The following TEAD1 variants were observed in gnomAD, a reference collection of about 807,000 sequenced individuals.
TEAD1 encodes the protein transcriptional enhancer factor TEF-1.
In TEAD1, 9 loss-of-function variants were observed where a neutral mutation model predicts 54.9. The ratio of observed to expected loss-of-function variants is 0.16; its 90% CI spans 0.10 to 0.29. The LOEUF (loss-of-function observed/expected upper bound fraction) is 0.29, where lower values mean the gene tolerates loss of function less well. Among genes scored for constraint, TEAD1 ranks in the 10% least tolerant of loss-of-function variants. TEAD1 has a pLI of 1.00. For synonymous variants in TEAD1, 200 were observed against 187.8 expected (o/e 1.07, Z -0.53); for missense variants, 387 against 535.9 (o/e 0.72, Z 2.74).
intron 6 of TEAD1, 76 bp downstream of exon 6, chr11:12,879,918 C>T (rs1490881868): frequency 3.1e-6 from 5 of 1,600,874 alleles, no homozygotes; most frequent in Non-Finnish European, 4.3e-6. Flanking sequence ...AGCCTCCCAC[C>T]TCCATTTCTT....
At chr11:12,923,125 A>G (rs1164953033) in intron 10 of TEAD1, among the ~76,000 whole-genome samples, 1 of 151,942 alleles carries the variant, frequency 6.6e-6, no homozygotes, top group African/African-American at 2.4e-5. Flanking sequence ...TCTCCGAGCC[A>G]TGGTCAGAGG....
At chr11:12,732,234 C>T (rs2133880928) in intron 2 of TEAD1, among the ~76,000 whole-genome samples, 1 of 152,314 alleles carries the variant, frequency 6.6e-6, no homozygotes, top group African/African-American at 2.4e-5. Context: ...CTCCCAGTCA[C>T]AGGCAAATTC....
intron 10 of TEAD1, among the ~76,000 whole-genome samples, chr11:12,920,146 AT>A: frequency 6.6e-6 from 1 of 152,274 alleles, no homozygotes; most frequent in Non-Finnish European, 1.5e-5. Flanking sequence ...GTTGAAAGTC[AT>A]TTTGTCAAAT....
intron 10 of TEAD1, among the ~76,000 whole-genome samples, chr11:12,920,348 T>A (rs1948781507): frequency 6.6e-6 from 1 of 152,172 alleles, no homozygotes; most frequent in African/African-American, 2.4e-5. Context: ...CATTTTAAAA[T>A]TATATATATT....
At chr11:12,908,127 T>C (rs1306164621) in intron 10 of TEAD1, among the ~76,000 whole-genome samples, 1 of 152,124 alleles carries the variant, frequency 6.6e-6, no homozygotes, top group African/African-American at 2.4e-5. Context: ...ATTCTTAGAG[T>C]AGGAACATGA....
chr11:12,853,824 CCTGAGAAG>C (rs1392739386), intron 3 of TEAD1, among the ~76,000 whole-genome samples: 1 of 152,150 alleles, frequency 6.6e-6, no homozygotes, highest in African/African-American at 2.4e-5. Context: ...GATACAAACT[CCTGAGAAG>C]GTGGGACTTG....
intron 6 of TEAD1, 116 bp downstream of exon 6, chr11:12,879,958 A>G: frequency 6.8e-7 from 1 of 1,480,116 alleles, no homozygotes; most frequent in Non-Finnish European, 9.3e-7. Flanking sequence ...TGAGAGGGCA[A>G]AGGCTACCTT....
chr11:12,694,804 C>G (rs1190867975), intron 2 of TEAD1, among the ~76,000 whole-genome samples: 1 of 152,150 alleles, frequency 6.6e-6, no homozygotes, highest in Non-Finnish European at 1.5e-5. Context: ...AAATGAGACC[C>G]TTCTCCCCCC....
chr11:12,793,332 A>G (rs1447633206), intron 3 of TEAD1, among the ~76,000 whole-genome samples: 1 of 152,138 alleles, frequency 6.6e-6, no homozygotes, highest in Non-Finnish European at 1.5e-5. Context: ...CCAAATACCA[A>G]TGTCTGCTCT....
At chr11:12,784,547 T>C (rs1301716145) in intron 3 of TEAD1, among the ~76,000 whole-genome samples, 1 of 152,230 alleles carries the variant, frequency 6.6e-6, no homozygotes, top group African/African-American at 2.4e-5. Context: ...GCATCTTCCA[T>C]GTCATATGAA....
chr11:12,939,666 G>A lies in TEAD1; in HGVS notation c.*2444G>A, dbSNP rs1949141932. On this transcript the variant is annotated 3_prime_UTR_variant, in exon 13 of 13. Coordinates refer to ENST00000527636, the MANE Select transcript of TEAD1 (RefSeq NM_021961.6). ...TCCTCTTGCTCAGAATGCCTTTGCA[G>A]TTGAGTTTTCTGGGTTTCTATGATT... 1 of 152,272 alleles carries A rather than the reference G, an allele frequency of 6.6e-6. No individual in the cohort carries two copies. The highest frequency in any genetic ancestry group is 1.5e-5 in the Non-Finnish European group (1 of 68,080). The allele number at this position is 152,272 out of a possible 1,614,324, so 9.4% of individuals were successfully genotyped here. A position where few individuals can be genotyped will look rare whatever the true frequency, so the allele number is the denominator to read the frequency against.
chr11:12,902,352 G>C (rs1256569203), intron 10 of TEAD1, among the ~76,000 whole-genome samples: 1 of 152,264 alleles, frequency 6.6e-6, no homozygotes, highest in Non-Finnish European at 1.5e-5. Flanking sequence ...CAAGGGACAA[G>C]CAGCCTCTTT....
chr11:12,911,613 C>T (rs914939863), intron 10 of TEAD1, among the ~76,000 whole-genome samples: 2 of 150,126 alleles, frequency 1.3e-5, no homozygotes, highest in Non-Finnish European at 2.9e-5. Flanking sequence ...AGAAGTATCA[C>T]GATATTCAGA....
At chr11:12,928,250 A>G (rs1313658260) in intron 11 of TEAD1, among the ~76,000 whole-genome samples, 1 of 150,834 alleles carries the variant, frequency 6.6e-6, no homozygotes, top group East Asian at 1.9e-4. Flanking sequence ...ATTACATTTC[A>G]TAAGTAATAT....
At chr11:12,804,840 G>A (rs1946135222) in intron 3 of TEAD1, among the ~76,000 whole-genome samples, 1 of 152,064 alleles carries the variant, frequency 6.6e-6, no homozygotes, top group Admixed American at 6.6e-5. Flanking sequence ...TTCTTCAGAG[G>A]GCAGCACCCC....
intron 2 of TEAD1, among the ~76,000 whole-genome samples, chr11:12,683,212 T>C (rs572452500): frequency 2.0e-5 from 3 of 152,358 alleles, no homozygotes; most frequent in African/African-American, 4.8e-5. Flanking sequence ...TATTTCTAAG[T>C]GATAAGCATT....
chr11:12,785,028 A>G (rs1432204927), intron 3 of TEAD1, among the ~76,000 whole-genome samples: 1 of 152,210 alleles, frequency 6.6e-6, no homozygotes, highest in Non-Finnish European at 1.5e-5. Context: ...ATGACCTGCC[A>G]GATGCAGCAA....
intron 3 of TEAD1, among the ~76,000 whole-genome samples, chr11:12,844,105 CTT>C (rs1947092984): frequency 1.3e-5 from 2 of 152,178 alleles, no homozygotes; most frequent in South Asian, 2.1e-4. Context: ...TATTCAGAAA[CTT>C]TTCTTTATGC....
intron 2 of TEAD1, among the ~76,000 whole-genome samples, chr11:12,711,282 G>A (rs1252592083): frequency 6.6e-6 from 1 of 152,194 alleles, no homozygotes; most frequent in African/African-American, 2.4e-5. Context: ...GTGATTATAA[G>A]CCATAGAAAT....
Sources: gnomAD v4.1 joint callset for allele counts (sites outside exome capture counted in the v4.1 genomes callset) on GRCh38, gnomAD v4.1.1 for gene constraint, MANE v1.5 for transcripts, NCBI Gene and HGNC (gene_info 2026-07-23, HGNC 2026-07-21) for gene names.